The following STX3 variants were observed in gnomAD, a reference collection of about 807,000 sequenced individuals.
STX3 encodes syntaxin-3.
A neutral mutation model predicts 40.2 loss-of-function variants in STX3; 19 were observed. The observed-to-expected ratio is 0.47, with a 90% CI of 0.33 to 0.69. The LOEUF is 0.69. STX3 is among the 30% of genes least tolerant of loss of function. The pLI, the probability that STX3 is intolerant of heterozygous loss-of-function variation, is 0.02. For synonymous variants in STX3, 122 were observed against 132.2 expected, an observed-to-expected ratio of 0.92 and a Z score of 0.53; for missense variants, 364 against 366.7, an observed-to-expected ratio of 0.99 and a Z score of 0.06.
intron 8 of STX3, among the ~76,000 whole-genome samples, chr11:59,794,317 G>A (rs899289269): frequency 2.0e-5 from 3 of 152,188 alleles, no homozygotes; most frequent in Admixed American, 6.5e-5. Context: ...AGTTCTTATG[G>A]GACAGTTAAG....
intron 7 of STX3, 58 bp downstream of exon 7, chr11:59,793,230 G>C: frequency 1.2e-6 from 2 of 1,607,876 alleles, no homozygotes; most frequent in Non-Finnish European, 1.7e-6. Context: ...AGGCCACTGC[G>C]GAGCTCATGC....
chr11:59,776,448 G>A (rs990484580), intron 2 of STX3, among the ~76,000 whole-genome samples: 6 of 152,176 alleles, frequency 3.9e-5, no homozygotes, highest in African/African-American at 1.4e-4. Context: ...AGAATGTGGT[G>A]TAGATATACT....
In STX3 at chr11:59,800,903, G is replaced by T; in HGVS notation, c.*79G>T. 1 of 1,536,272 alleles carries T rather than the reference G, an allele frequency of 6.5e-7. No individual in the cohort carries two copies. Among genetic ancestry groups the T allele is most frequent in the Non-Finnish European group, 8.7e-7 (1 of 1,146,902 alleles). On this transcript the variant is annotated 3_prime_UTR_variant, in exon 11 of 11. Coordinates refer to ENST00000337979, the MANE Select transcript of STX3 (RefSeq NM_004177.5). ...TGTGGCCACCCTTGTCTTCAGATGA[G>T]AATGGAGTCTGAATGGCCTTCCTGA...
In STX3 at chr11:59,802,504, A is replaced by G. The variant is rs1865924664; in HGVS notation, c.*1680A>G. The G allele has an allele frequency of 2.0e-6, 2 of 985,704 alleles. No homozygotes were observed. The highest frequency in any genetic ancestry group is 1.2e-6 in the Non-Finnish European group (1 of 829,892). The allele number at this position is 985,704 out of a possible 1,614,324, so 61.1% of individuals were successfully genotyped here. A position where few individuals can be genotyped will look rare whatever the true frequency, so the allele number is the denominator to read the frequency against. ...AGGCAATATCCTCTTGCCCATGGCT[A>G]TGATGTCAGACAGTGGATGGGCTCC... On this transcript the variant is annotated 3_prime_UTR_variant, in exon 11 of 11. Coordinates refer to ENST00000337979, the MANE Select transcript of STX3 (RefSeq NM_004177.5).
intron 2 of STX3, chr11:59,781,670 T>A: frequency 1.2e-6 from 2 of 1,607,800 alleles, no homozygotes; most frequent in Non-Finnish European, 1.7e-6. Context: ...CATCAAAGCC[T>A]TTGCTGTCCA....
rs1865859872 is a variant in STX3, at chr11:59,800,962, A to G, written c.*138A>G. The G allele has an allele frequency of 1.3e-6, 2 of 1,535,484 alleles. No individual in the cohort carries two copies. Among genetic ancestry groups the G allele is most frequent in the Non-Finnish European group, 1.7e-6 (2 of 1,146,518 alleles). On this transcript the variant is annotated 3_prime_UTR_variant, in exon 11 of 11. Coordinates refer to ENST00000337979, the MANE Select transcript of STX3 (RefSeq NM_004177.5). ...GCGACCCGTTCCTTTGTTTCCTTGCAACCACCCTTGGACCTGACTCAGCTA... is the reference window on the plus strand; with the variant it reads ...GCGACCCGTTCCTTTGTTTCCTTGCGACCACCCTTGGACCTGACTCAGCTA...
intron 1 of STX3, among the ~76,000 whole-genome samples, chr11:59,772,166 G>A (rs765065840): frequency 9.9e-5 from 15 of 152,232 alleles, no homozygotes; most frequent in Non-Finnish European, 2.2e-4. Context: ...GAGGGTCAGA[G>A]GCTGATGAAG....
intron 2 of STX3, among the ~76,000 whole-genome samples, chr11:59,774,124 AG>A (rs1463966330): frequency 6.6e-6 from 1 of 152,170 alleles, no homozygotes; most frequent in African/African-American, 2.4e-5. Context: ...CTGATCTTAA[AG>A]GTCCTCAATG....
At position 59,802,114 on chromosome 11, in the gene STX3, C is replaced by CCTGT. The variant is rs1428420473; in HGVS notation, c.*1290_*1291insCTGT. ...AGTAACTTGATATTCACATGACCTA[C>CCTGT]AGGATGTCCCATCTGCAGGGCTGAG... On this transcript the variant is annotated 3_prime_UTR_variant, in exon 11 of 11. Coordinates refer to ENST00000337979, the MANE Select transcript of STX3 (RefSeq NM_004177.5). 1.0e-6 allele frequency: 1 copy of CCTGT among 985,314 alleles called. No individual in the cohort carries two copies. Among genetic ancestry groups the CCTGT allele is most frequent in the African/African-American group, 1.7e-5 (1 of 57,230 alleles). The allele number at this position is 985,314 out of a possible 1,614,324, so 61.0% of individuals were successfully genotyped here.
At chr11:59,795,551 C>T in intron 9 of STX3, 69 bp downstream of exon 9, 1 of 1,553,088 alleles carries the variant, frequency 6.4e-7, no homozygotes, top group African/African-American at 1.4e-5. Flanking sequence ...CTTTCTCTTC[C>T]CTCTCCCTGT....
In STX3 at chr11:59,803,090, T is replaced by C; in HGVS notation, c.*2266T>C. The stretch of plus-strand genomic sequence containing the variant: ...CTGGGTCCTAGAAGCCAGATCCATC[T>C]CCTTTTTCCTTCTGTTGCTCTCTTC... On this transcript the variant is annotated 3_prime_UTR_variant, in exon 11 of 11. Coordinates refer to ENST00000337979, the MANE Select transcript of STX3 (RefSeq NM_004177.5). 8.1e-7 allele frequency: 1 copy of C among 1,228,102 alleles called. No individual in the cohort carries two copies. Among genetic ancestry groups the C allele is most frequent in the Non-Finnish European group, 1.0e-6 (1 of 986,056 alleles). 76.1% of individuals were successfully genotyped at this position (1,228,102 alleles called of 1,614,324 possible).
intron 2 of STX3, among the ~76,000 whole-genome samples, chr11:59,776,350 C>G (rs1163135944): frequency 6.6e-6 from 1 of 152,236 alleles, no homozygotes; most frequent in Non-Finnish European, 1.5e-5. Flanking sequence ...GCACCTATCA[C>G]AGTGCCTGAC....
At chr11:59,762,581 T>C (rs1863092662) in intron 1 of STX3, among the ~76,000 whole-genome samples, 1 of 152,126 alleles carries the variant, frequency 6.6e-6, no homozygotes, top group Non-Finnish European at 1.5e-5. Context: ...GGACAGAGGC[T>C]GAAAGGAGGG....
intron 1 of STX3, among the ~76,000 whole-genome samples, chr11:59,768,188 T>C (rs530110283): frequency 2.8e-4 from 43 of 151,710 alleles, no homozygotes; most frequent in Non-Finnish European, 5.6e-4. Context: ...AACCAAAGAG[T>C]ACGTTTTGGC....
intron 4 of STX3, 76 bp from the exon 5 acceptor site, chr11:59,790,443 T>C: frequency 8.7e-7 from 1 of 1,154,538 alleles, no homozygotes; most frequent in East Asian, 2.4e-5. Context: ...TGGGAATGAG[T>C]GAGGAAGTTT....
At chr11:59,799,800 A>G in intron 10 of STX3, 1 of 985,338 alleles carries the variant, frequency 1.0e-6, no homozygotes. Flanking sequence ...CCTCTCATAG[A>G]CAGGTGGTTG....
rs1334071777 is a variant in STX3 at position 59,803,256 on chromosome 11, G to A, written c.*2432G>A. 6 of 1,231,508 alleles carry A rather than the reference G, an allele frequency of 4.9e-6. No individual in the cohort carries two copies. Among genetic ancestry groups the A allele is most frequent in the African/African-American group, 4.7e-5 (3 of 64,378 alleles). 76.3% of individuals were successfully genotyped at this position (1,231,508 alleles called of 1,614,324 possible). ...TCATGATCTGCTGTATTATCCTTGCGATCATCTTAGCTTCCACCATTGGGA... is the reference window on the plus strand; with the variant it reads ...TCATGATCTGCTGTATTATCCTTGCAATCATCTTAGCTTCCACCATTGGGA... On this transcript the variant is annotated 3_prime_UTR_variant, in exon 11 of 11. Coordinates refer to ENST00000337979, the MANE Select transcript of STX3 (RefSeq NM_004177.5).
chr11:59,772,412 T>C (rs1013970323), intron 1 of STX3, among the ~76,000 whole-genome samples: 7 of 152,220 alleles, frequency 4.6e-5, no homozygotes, highest in East Asian at 1.9e-4. Flanking sequence ...TTGAGAAAGC[T>C]TGGGTCCCCA....
chr11:59,789,581 C>T (rs1346633948), intron 4 of STX3, among the ~76,000 whole-genome samples: 1 of 152,034 alleles, frequency 6.6e-6, no homozygotes, highest in African/African-American at 2.4e-5. Context: ...GTTGGGATTA[C>T]AGGCATGCAC....
Sources: allele counts gnomAD v4.1 joint callset (sites outside exome capture counted in the v4.1 genomes callset), GRCh38; gene constraint gnomAD v4.1.1; transcripts MANE v1.5; gene names NCBI Gene and HGNC (gene_info 2026-07-23, HGNC 2026-07-21).